DDX60: variants seen among roughly 807,000 people sequenced by gnomAD.
The protein encoded by DDX60 is probable ATP-dependent RNA helicase DDX60.
A neutral mutation model predicts 212.8 loss-of-function variants in DDX60; 165 were observed. The ratio of observed to expected loss-of-function variants is 0.78; its 90% CI spans 0.68 to 0.88. The LOEUF is 0.88. Among genes scored for constraint, DDX60 ranks in the 40% least tolerant of loss-of-function variants. The pLI, the probability that DDX60 is intolerant of heterozygous loss-of-function variation, is 0.00. For synonymous variants in DDX60, 703 were observed against 685.3 expected (o/e 1.03, Z -0.40); for missense variants, 1,905 against 2,003.9 (o/e 0.95, Z 0.94).
intron 6 of DDX60, among the ~76,000 whole-genome samples, chr4:168,296,673 T>C (rs921072244): frequency 2.0e-5 from 3 of 151,926 alleles, no homozygotes; most frequent in Admixed American, 1.3e-4. Context: ...CTCGGTATCA[T>C]TAAAATGAAA....
intron 8 of DDX60, among the ~76,000 whole-genome samples, chr4:168,288,623 GA>G (rs1340848382): frequency 6.6e-6 from 1 of 152,208 alleles, no homozygotes; most frequent in Non-Finnish European, 1.5e-5. Flanking sequence ...CAAAGCTACA[GA>G]AATACTTCTG....
Position 168,280,556 on chromosome 4 carries a change from T to G in DDX60, c.1757A>C (p.Lys586Thr), listed in dbSNP as rs754680656. 7 of 1,613,714 alleles carry G rather than the reference T, an allele frequency of 4.3e-6. No homozygotes were observed. Among genetic ancestry groups the G allele is most frequent in the Non-Finnish European group, 5.9e-6 (7 of 1,179,938 alleles). The change falls in exon 14 of 38, where the codon AAG (lysine) becomes ACG (threonine). Residue 586 changes from lysine (K) to threonine (T), a missense_variant. Coordinates refer to ENST00000393743, the MANE Select transcript of DDX60 (RefSeq NM_017631.6). ...TTCTTCCCTGGCAAATAACCTTTTC[T>G]TATTCTCTCTAGCAATTATTTCAGC... is the stretch of plus-strand genomic sequence containing the variant. Reference protein sequence around the residue: ...TKAEIIARENKKRLFAREEQK... With the variant: ...TKAEIIARENTKRLFAREEQK...
intron 15 of DDX60, 131 bp from the exon 16 acceptor site, chr4:168,275,634 A>G (rs1400004802): frequency 1.3e-6 from 1 of 784,584 alleles, no homozygotes; most frequent in Admixed American, 3.6e-5. Flanking sequence ...AAATTTTTTA[A>G]ATCATTGTCT....
Position 168,255,750 on chromosome 4 carries a change from A to C in DDX60, c.3518T>G (p.Leu1173Arg). The C allele has an allele frequency of 6.3e-7, 1 of 1,591,100 alleles. No homozygotes were observed. ...DKEAHVMANK[L>R]RKVKKSIEKQ... is the part of the protein sequence containing the mutation. Reference sequence around the variant, plus strand: ...CTCTATGGATTTTTTAACTTTTCGAAGTTTGTTAGCCATGACATGGGCTTC... The same window carrying C: ...CTCTATGGATTTTTTAACTTTTCGACGTTTGTTAGCCATGACATGGGCTTC... The change falls in exon 26 of 38, where the codon CTT becomes CGT. Residue 1173 changes from leucine (L) to arginine (R), a missense_variant. By Grantham distance (102) the Leu-to-Arg change is moderately radical (BLOSUM62 -2). Transcript: ENST00000393743.
intron 35 of DDX60, among the ~76,000 whole-genome samples, 174 bp from the exon 36 acceptor site, chr4:168,222,055 G>C (rs1322054534): frequency 1.3e-5 from 2 of 152,138 alleles, no homozygotes; most frequent in Non-Finnish European, 2.9e-5. Flanking sequence ...CTAAGCAAGA[G>C]TGGAGAGTGG....
At chr4:168,323,998 A>G in the DDX60 span, among the ~76,000 whole-genome samples, 1 of 152,146 alleles carries the variant, frequency 6.6e-6, no homozygotes, top group Non-Finnish European at 1.5e-5. Context: ...ATTTCTGTTC[A>G]CTCAGTTGAT....
At chr4:168,225,061 A>G (rs1309732442) in intron 34 of DDX60, among the ~76,000 whole-genome samples, 1 of 152,094 alleles carries the variant, frequency 6.6e-6, no homozygotes, top group African/African-American at 2.4e-5. Flanking sequence ...AAAACTACGT[A>G]GATAATGCTA....
In DDX60 at chr4:168,302,450, T is replaced by C. The variant is rs1041077913; in HGVS notation, c.607-34A>G. 7.5e-6 allele frequency: 7 copies of C among 931,392 alleles called. No individual in the cohort carries two copies. The African/African-American group carries it at 8.6e-5, about 11-fold the overall frequency. 57.7% of individuals were successfully genotyped at this position (931,392 alleles called of 1,614,324 possible). On this transcript the variant is annotated intron_variant, in intron 5 of 37. Coordinates refer to ENST00000393743, the MANE Select transcript of DDX60 (RefSeq NM_017631.6). ...TAAAGAAAAATCAGAAAAGTTGTTA[T>C]AAATAAAATATGTAATTATTTTCCA...
chr4:168,306,184 G>A (rs1736865342), intron 5 of DDX60, among the ~76,000 whole-genome samples, 195 bp downstream of exon 5: 1 of 152,100 alleles, frequency 6.6e-6, no homozygotes, highest in Admixed American at 6.6e-5. Context: ...GAAATACCAA[G>A]CACAATTTTA....
At chr4:168,291,206 T>C (rs1010334236) in intron 8 of DDX60, among the ~76,000 whole-genome samples, 4 of 152,174 alleles carry the variant, frequency 2.6e-5, no homozygotes, top group Non-Finnish European at 5.9e-5. Context: ...AAAATATATG[T>C]ATATATAGAG....
chr4:168,242,766 G>T (rs528755980), intron 30 of DDX60, among the ~76,000 whole-genome samples: 1 of 152,126 alleles, frequency 6.6e-6, no homozygotes, highest in Non-Finnish European at 1.5e-5. Flanking sequence ...AATGAGTTAA[G>T]ACTCTGGGAG....
intron 20 of DDX60, 72 bp downstream of exon 20, chr4:168,268,782 C>A: frequency 1.2e-6 from 1 of 854,064 alleles, no homozygotes; most frequent in Non-Finnish European, 1.8e-6. Flanking sequence ...CCTCAGAATC[C>A]ACAGAGAAAT....
At chr4:168,228,676 TTA>T (rs932030558) in intron 33 of DDX60, among the ~76,000 whole-genome samples, 1 of 152,138 alleles carries the variant, frequency 6.6e-6, no homozygotes, top group Admixed American at 6.6e-5. Flanking sequence ...ATTTCAAATT[TTA>T]TATGTTACAA....
chr4:168,246,352 C>T (rs1198851153), intron 30 of DDX60, 66 bp downstream of exon 30: 1 of 1,590,064 alleles, frequency 6.3e-7, no homozygotes, highest in African/African-American at 1.3e-5. Flanking sequence ...TCTAAAAGAA[C>T]AGCAGACCTG....
chr4:168,289,102 T>G lies in DDX60; in HGVS notation c.1042-787A>C, dbSNP rs894707074. 8.5e-5 allele frequency among the ~76,000 whole-genome samples: 13 copies of G among 152,290 alleles called. No homozygotes were observed. The East Asian group carries it at 2.5e-3, about 29-fold the overall frequency. ...TCATTAGCTGTGCTCATGGACCACA[T>G]AGCTGAGTCCAAGTTTTTCCTTTGC... On this transcript the variant is annotated intron_variant, in intron 8 of 37. Transcript: ENST00000393743.
intron 33 of DDX60, among the ~76,000 whole-genome samples, chr4:168,228,413 C>A (rs148261810): frequency 6.6e-6 from 1 of 151,792 alleles, no homozygotes; most frequent in Non-Finnish European, 1.5e-5. Flanking sequence ...TTCTACCTTG[C>A]CATTTGTTTT....
intron 20 of DDX60, among the ~76,000 whole-genome samples, chr4:168,268,569 CA>C (rs898861649): frequency 1.3e-5 from 2 of 151,156 alleles, no homozygotes; most frequent in East Asian, 1.9e-4. Flanking sequence ...TGGTGAAGGA[CA>C]AAAAAAGAAA....
intron 10 of DDX60, among the ~76,000 whole-genome samples, chr4:168,286,283 A>G (rs1474875313): frequency 1.3e-5 from 2 of 151,894 alleles, no homozygotes; most frequent in South Asian, 2.1e-4. Flanking sequence ...ACACATATAC[A>G]AAGACTTTCA....
chr4:168,286,424 A>AC lies in DDX60; in HGVS notation c.1339+623_1339+624insG, dbSNP rs1401174452. ...CACACACACACACACACACCACACG[A>AC]GATAGATAGATAGATAGATAGATAG... On this transcript the variant is annotated intron_variant, in intron 10 of 37. Transcript: ENST00000393743. Among the ~76,000 whole-genome samples, 8 of 25,740 alleles carry AC rather than the reference A, an allele frequency of 3.1e-4. No individual in the cohort carries two copies. The African/African-American group carries it at 3.7e-3, about 12-fold the overall frequency. The allele number at this position is 25,740 out of a possible 152,430, so 16.9% of individuals were successfully genotyped here. A position where few individuals can be genotyped will look rare whatever the true frequency, so the allele number is the denominator to read the frequency against.
Sources: allele counts gnomAD v4.1 joint callset (sites outside exome capture counted in the v4.1 genomes callset), GRCh38; gene constraint gnomAD v4.1.1; transcripts MANE v1.5; gene names NCBI Gene and HGNC (gene_info 2026-07-23, HGNC 2026-07-21).